The following MROH2B variants were observed in gnomAD, a reference collection of about 807,000 sequenced individuals.
MROH2B encodes the protein maestro heat-like repeat-containing protein family member 2B.
In MROH2B, 177 loss-of-function variants were observed where a neutral mutation model predicts 208.6. The observed-to-expected ratio is 0.85, with a 90% CI of 0.75 to 0.96. MROH2B has a LOEUF of 0.96. Among genes scored for constraint, MROH2B ranks in the 40% least tolerant of loss-of-function variants. The pLI is 0.00. For synonymous variants in MROH2B, 728 were observed against 659.0 expected, an observed-to-expected ratio of 1.10 and a Z score of -1.60; for missense variants, 2,002 against 1,878.7, an observed-to-expected ratio of 1.07 and a Z score of -1.21.
In MROH2B at chr5:40,999,555, T is replaced by G. The variant is rs1466710599; in HGVS notation, c.4585+122A>C. 6.0e-6 allele frequency: 4 copies of G among 670,458 alleles called. No homozygotes were observed. The African/African-American group carries it at 7.4e-5, about 12-fold the overall frequency. The allele number at this position is 670,458 out of a possible 1,614,324, so 41.5% of individuals were successfully genotyped here. On this transcript the variant is annotated intron_variant, in intron 40 of 41. Transcript: ENST00000399564. ...CATGACGTAAGATAAAAGCCCTTTC[T>G]GGGCTTTAATAAAAAAGTTATACCA...
intron 21 of MROH2B, among the ~76,000 whole-genome samples, chr5:41,037,573 C>G (rs1305425235): frequency 6.6e-6 from 1 of 152,104 alleles, no homozygotes; most frequent in Non-Finnish European, 1.5e-5. Flanking sequence ...TTCATGAGTC[C>G]TTATGAGTCT....
chr5:41,033,254 C>T, intron 22 of MROH2B, 94 bp from the exon 23 acceptor site: 1 of 1,506,326 alleles, frequency 6.6e-7, no homozygotes, highest in Non-Finnish European at 9.0e-7. Context: ...TGTTCCCAGA[C>T]AGGAGTGAGA....
chr5:41,049,003 T>G, intron 15 of MROH2B, 98 bp downstream of exon 15: 1 of 1,174,314 alleles, frequency 8.5e-7, no homozygotes, highest in Non-Finnish European at 1.2e-6. Context: ...TTCTTTTTGT[T>G]TGGAGTATCT....
chr5:41,018,309 A>G (rs1275067709), intron 27 of MROH2B, 32 bp downstream of exon 27: 2 of 1,586,980 alleles, frequency 1.3e-6, no homozygotes, highest in Admixed American at 1.7e-5. Flanking sequence ...TTCACAAGCA[A>G]TAAAGTCTAT....
At chr5:41,023,221 G>C (rs561861408) in intron 24 of MROH2B, among the ~76,000 whole-genome samples, 1 of 152,250 alleles carries the variant, frequency 6.6e-6, no homozygotes, top group South Asian at 2.1e-4. Context: ...AGAGAAGAAG[G>C]CTTCAGATGA....
At position 41,008,783 on chromosome 5, in the gene MROH2B, G is replaced by A. The variant is rs763481936; in HGVS notation, c.3431C>T (p.Ala1144Val). The A allele has an allele frequency of 8.1e-6, 13 of 1,611,766 alleles. No homozygotes were observed. The highest frequency in any genetic ancestry group is 6.8e-6 in the Non-Finnish European group (8 of 1,178,714). The change falls in exon 33 of 42, where the codon GCT becomes GTT. Residue 1144 changes from alanine (A) to valine (V), a missense_variant. Coordinates refer to ENST00000399564, the MANE Select transcript of MROH2B (RefSeq NM_173489.5). ...GCCCATTGAGATCACTTCATACATAGCACAGGCCACCTGAGGGGAGAAAGG... is the reference window on the plus strand; with the variant it reads ...GCCCATTGAGATCACTTCATACATAACACAGGCCACCTGAGGGGAGAAAGG... Reference protein sequence around the residue: ...ARVEAISVACAMYEVISMGTS... With the variant: ...ARVEAISVACVMYEVISMGTS...
chr5:41,045,768 T>A lies in MROH2B; in HGVS notation c.1814A>T (p.Tyr605Phe). The A allele has an allele frequency of 6.2e-7, 1 of 1,613,550 alleles. No individual in the cohort carries two copies. The highest frequency in any genetic ancestry group is 8.5e-7 in the Non-Finnish European group (1 of 1,179,550). ...TQDFKQQMGS[Y>F]SNNSTEKKFL... is the part of the protein sequence containing the mutation. ...AACCTTCTCAGTGGAGTTATTGCTG[T>A]AACTGCCCATTTGCTGTTTGAAATC... is the stretch of plus-strand genomic sequence containing the variant. Residue 605 changes from tyrosine (Y) to phenylalanine (F), a missense_variant, in exon 18 of 42, where the codon TAC becomes TTC. Physicochemically the swap from Tyr to Phe is conservative, Grantham distance 22 (BLOSUM62 3). Coordinates refer to ENST00000399564, the MANE Select transcript of MROH2B (RefSeq NM_173489.5).
intron 24 of MROH2B, among the ~76,000 whole-genome samples, chr5:41,030,418 A>G (rs1742525299): frequency 6.6e-6 from 1 of 152,090 alleles, no homozygotes; most frequent in African/African-American, 2.4e-5. Flanking sequence ...TTAACCAAGG[A>G]AGTGAAGGAT....
chr5:41,062,444 G>A (rs1265444012), intron 5 of MROH2B, among the ~76,000 whole-genome samples: 2 of 152,132 alleles, frequency 1.3e-5, no homozygotes, highest in East Asian at 3.9e-4. Context: ...ACTTCACTTT[G>A]AAATAACTCA....
intron 24 of MROH2B, among the ~76,000 whole-genome samples, chr5:41,022,632 A>C (rs1742191285): frequency 6.6e-6 from 1 of 152,244 alleles, no homozygotes; most frequent in Non-Finnish European, 1.5e-5. Context: ...GGCAGGGCAT[A>C]GCCGAACAAA....
chr5:41,042,120 G>T lies in MROH2B; in HGVS notation c.1925C>A (p.Ala642Asp). The change falls in exon 19 of 42, where the codon GCT becomes GAT. Residue 642 changes from alanine to aspartate, a missense_variant. Physicochemically the swap from Ala to Asp is moderately radical, Grantham distance 126 (BLOSUM62 -2). Coordinates refer to ENST00000399564, the MANE Select transcript of MROH2B (RefSeq NM_173489.5). ...VNSQIKEFLT[A>D]PNQLGDQRQG... ...TCTTTGATCCCCCAGTTGGTTGGGA[G>T]CAGTCAGAAACTCCTTAATCTGTGA... 1.9e-6 allele frequency: 3 copies of T among 1,593,556 alleles called. No homozygotes were observed. In the Middle Eastern group the frequency reaches 5.0e-4, roughly 264 times the overall value.
At chr5:41,011,511 A>T (rs1410324081) in intron 30 of MROH2B, among the ~76,000 whole-genome samples, 2 of 152,228 alleles carry the variant, frequency 1.3e-5, no homozygotes, top group Non-Finnish European at 2.9e-5. Flanking sequence ...CACTTATTGA[A>T]AAGTAATTAG....
At chr5:41,026,926 A>C (rs867969229) in intron 24 of MROH2B, among the ~76,000 whole-genome samples, 14 of 152,224 alleles carry the variant, frequency 9.2e-5, no homozygotes, top group African/African-American at 3.1e-4. Flanking sequence ...TGACGAAAAC[A>C]TGAAATGGGG....
chr5:41,058,758 A>C (rs2150180229), intron 6 of MROH2B, among the ~76,000 whole-genome samples: 1 of 152,260 alleles, frequency 6.6e-6, no homozygotes, highest in Non-Finnish European at 1.5e-5. Flanking sequence ...CATCTTAAAG[A>C]ACCTTCAAGC....
At chr5:41,039,650 G>C in intron 19 of MROH2B, 95 bp from the exon 20 acceptor site, 1 of 796,560 alleles carries the variant, frequency 1.3e-6, no homozygotes, top group Non-Finnish European at 2.0e-6. Flanking sequence ...TATCCTTTAG[G>C]TGCTGGGGGT....
In MROH2B at chr5:41,070,891, A is replaced by C; in HGVS notation, c.-39T>G. On this transcript the variant is annotated 5_prime_UTR_variant, in exon 1 of 42. Transcript: ENST00000399564. Reference sequence around the variant, plus strand: ...CAGGGTCTCTAAAAGATAGCACCTAAGTATTAGAAATAGTAAGGCTAAAAA... The same window carrying C: ...CAGGGTCTCTAAAAGATAGCACCTACGTATTAGAAATAGTAAGGCTAAAAA... 1.2e-6 allele frequency: 2 copies of C among 1,601,710 alleles called. No homozygotes were observed. Among genetic ancestry groups the C allele is most frequent in the Non-Finnish European group, 1.7e-6 (2 of 1,172,562 alleles).
At chr5:41,057,658 G>A (rs1351435541) in intron 7 of MROH2B, among the ~76,000 whole-genome samples, 1 of 144,974 alleles carries the variant, frequency 6.9e-6, no homozygotes, top group Non-Finnish European at 1.5e-5. Context: ...TCGGGTTCAA[G>A]CGATTCTCCT....
At chr5:41,064,595 C>T (rs1304418651) in intron 4 of MROH2B, 25 bp from the exon 5 acceptor site, 1 of 1,578,512 alleles carries the variant, frequency 6.3e-7, no homozygotes, top group Admixed American at 1.7e-5. Context: ...AGAAAGGAGA[C>T]AAGTGTTATT....
chr5:41,022,325 C>A (rs1002117566), intron 24 of MROH2B, among the ~76,000 whole-genome samples: 9 of 152,142 alleles, frequency 5.9e-5, no homozygotes, highest in Non-Finnish European at 1.2e-4. Flanking sequence ...ACAGATGGCA[C>A]CTGGAAAATT....
Sources: allele counts gnomAD v4.1 joint callset (sites outside exome capture counted in the v4.1 genomes callset), GRCh38; gene constraint gnomAD v4.1.1; transcripts MANE v1.5; gene names NCBI Gene and HGNC (gene_info 2026-07-23, HGNC 2026-07-21).